The following DST variants were observed in gnomAD, a reference collection of about 807,000 sequenced individuals.
The protein encoded by DST is bullous pemphigoid antigen.
A neutral mutation model predicts 875.2 loss-of-function variants in DST; 253 were observed. That is an observed-to-expected ratio of 0.29 (90% CI 0.26 to 0.32). The LOEUF (loss-of-function observed/expected upper bound fraction) is 0.32, where lower values mean the gene tolerates loss of function less well. DST is among the 10% of genes least tolerant of loss of function. DST has a pLI of 1.00. For missense variants in DST, 8,287 were observed against 9,111.6 expected (o/e 0.91, Z 3.68); for synonymous variants, 3,124 against 3,197.1 (o/e 0.98, Z 0.77).
At position 56,603,957 on chromosome 6, in the gene DST, C is replaced by G; in HGVS notation, c.10671G>C (p.Val3557=). Residue 3557 remains valine (V), a synonymous_variant, in exon 40 of 104, where the codon GTG becomes GTC. Transcript: ENST00000680361. ...VKEIGLESST[V]WASTLPRDEK... Reference sequence around the variant, plus strand: ...CATCTCTTGGCAATGTTGATGCCCACACAGTAGAGCTTTCTAGTCCAATTT... The same window carrying G: ...CATCTCTTGGCAATGTTGATGCCCAGACAGTAGAGCTTTCTAGTCCAATTT... The G allele has an allele frequency of 1.9e-6, 3 of 1,611,246 alleles. No individual in the cohort carries two copies. Among genetic ancestry groups the G allele is most frequent in the Middle Eastern group, 1.7e-4 (1 of 6,056 alleles).
At chr6:56,499,830 C>T (rs1212342956) in intron 80 of DST, among the ~76,000 whole-genome samples, 2 of 152,062 alleles carry the variant, frequency 1.3e-5, no homozygotes, top group Non-Finnish European at 2.9e-5. Context: ...AATGTAAATG[C>T]AGCTATAAAC....
At chr6:56,590,582 G>A (rs539894646) in intron 49 of DST, among the ~76,000 whole-genome samples, 1 of 152,070 alleles carries the variant, frequency 6.6e-6, no homozygotes, top group African/African-American at 2.4e-5. Flanking sequence ...ACTTAATTAA[G>A]ATAGATTTGT....
At chr6:56,550,839 G>A (rs998672833) in intron 61 of DST, among the ~76,000 whole-genome samples, 2 of 152,140 alleles carry the variant, frequency 1.3e-5, no homozygotes, top group Non-Finnish European at 2.9e-5. Flanking sequence ...CTTTACTGAC[G>A]AAGGAAGAGT....
intron 9 of DST, among the ~76,000 whole-genome samples, chr6:56,683,574 TGGC>T (rs2099166824): frequency 6.6e-6 from 1 of 152,186 alleles, no homozygotes. Context: ...CAACGTGACA[TGGC>T]ACGTATCAGG....
chr6:56,834,353 C>G (rs1467884777), intron 4 of DST, among the ~76,000 whole-genome samples: 3 of 152,176 alleles, frequency 2.0e-5, no homozygotes, highest in Non-Finnish European at 4.4e-5. Context: ...AATCCCAGCA[C>G]TTTGGGAGGC....
chr6:56,486,362 CAAAAAAA>C (rs61164880), intron 87 of DST, among the ~76,000 whole-genome samples: 13 of 34,026 alleles, frequency 3.8e-4, no homozygotes, highest in South Asian at 1.8e-3. Context: ...GACTCCGTCT[CAAAAAAA>C]AAAAAAAAAA....
intron 54 of DST, among the ~76,000 whole-genome samples, chr6:56,569,030 AAC>A (rs1330012564): frequency 6.6e-6 from 1 of 152,144 alleles, no homozygotes; most frequent in East Asian, 1.9e-4. Context: ...TACTTTTAAA[AAC>A]ACACACACGG....
At chr6:56,765,131 A>C (rs2099630184) in intron 4 of DST, among the ~76,000 whole-genome samples, 1 of 152,200 alleles carries the variant, frequency 6.6e-6, no homozygotes, top group African/African-American at 2.4e-5. Flanking sequence ...CTGTAAGACT[A>C]CTGGACAATA....
intron 35 of DST, 111 bp downstream of exon 35, chr6:56,625,046 A>C (rs1301316812): frequency 2.5e-6 from 2 of 790,726 alleles, no homozygotes; most frequent in Non-Finnish European, 4.4e-6. Flanking sequence ...AAAATTGTTA[A>C]AATAGTAAGT....
At position 56,824,926 on chromosome 6, in the gene DST, T is replaced by C. The variant is rs1339569487; in HGVS notation, c.625+26471A>G. Among the ~76,000 whole-genome samples, 842 of 142,852 alleles carry C rather than the reference T, an allele frequency of 5.9e-3. 9 individuals carry two copies. Among genetic ancestry groups the C allele is most frequent in the African/African-American group, 0.02 (763 of 38,184 alleles). 93.7% of individuals were successfully genotyped at this position (142,852 alleles called of 152,430 possible). A position where few individuals can be genotyped will look rare whatever the true frequency, so the allele number is the denominator to read the frequency against. On this transcript the variant is annotated intron_variant, in intron 4 of 103. Transcript: ENST00000680361. The stretch of plus-strand genomic sequence containing the variant: ...GCCGCCCCGTCCGGGAGGTGAGGGG[T>C]GCCTCTGCCCGGCCGCCCCTACTGG...
Position 56,640,143 on chromosome 6 carries a change from C to G in DST, c.2490G>C (p.Gln830His), listed in dbSNP as rs756086546. ...QDLLNWVDEMQVQLDRTEWGS... is the reference protein window; with the variant it reads ...QDLLNWVDEMHVQLDRTEWGS... The stretch of plus-strand genomic sequence containing the variant: ...TCAGGTAAAGTAAACATTTTTTTAC[C>G]TGCATCTCATCAACCCAATTCAAAA... The change falls in exon 18 of 104, where the codon CAG becomes CAC. Residue 830 changes from glutamine to histidine, a missense_variant and splice_region_variant. Physicochemically the swap from Gln to His is conservative, Grantham distance 24 (BLOSUM62 0). This residue lies in a region of DST where 1,160 missense variants were observed against 1,424.3 expected (regional missense o/e 0.81). Coordinates refer to ENST00000680361, the MANE Select transcript of DST (RefSeq NM_001374736.1). 6.2e-7 allele frequency: 1 copy of G among 1,613,748 alleles called. No homozygotes were observed. The highest frequency in any genetic ancestry group is 8.5e-7 in the Non-Finnish European group (1 of 1,179,756).
chr6:56,490,023 C>A (rs1024277881), intron 85 of DST, among the ~76,000 whole-genome samples: 5 of 152,062 alleles, frequency 3.3e-5, no homozygotes, highest in African/African-American at 1.2e-4. Flanking sequence ...GGAATTTAAT[C>A]CCTATGTTAA....
At chr6:56,489,454 A>G in intron 86 of DST, 36 bp downstream of exon 86, 2 of 1,591,890 alleles carry the variant, frequency 1.3e-6, no homozygotes, top group Non-Finnish European at 1.7e-6. Context: ...TGAACTATAT[A>G]ATGAGACAAT....
chr6:56,919,387 G>A (rs1802913539), intron 2 of DST, among the ~76,000 whole-genome samples: 1 of 152,090 alleles, frequency 6.6e-6, no homozygotes, highest in Non-Finnish European at 1.5e-5. Flanking sequence ...TAATTTTTAA[G>A]TATAGTGTGA....
intron 64 of DST, 146 bp downstream of exon 64, chr6:56,532,198 G>T (rs909698545): frequency 1.4e-6 from 1 of 716,216 alleles, no homozygotes; most frequent in African/African-American, 1.8e-5. Flanking sequence ...TGAGGAAAGA[G>T]GCACTACAAT....
intron 5 of DST, chr6:56,734,999 G>A (rs185206402): frequency 1.0e-4 from 42 of 406,226 alleles, no homozygotes; most frequent in African/African-American, 6.7e-4. Context: ...TTTTACTAAC[G>A]TCACAGAATG....
Position 56,851,470 on chromosome 6 carries a change from AT to A in DST, c.551del (p.His184LeufsTer24). On this transcript the variant is annotated frameshift_variant, in exon 4 of 104. Coordinates refer to ENST00000680361, the MANE Select transcript of DST (RefSeq NM_001374736.1). LOFTEE classifies it high-confidence loss of function. ...GDTLPWNLPKHERSKRKIQGG... is the reference protein window; with the variant it reads ...GDTLPWNLPKXERSKRKIQGG... ...CTTGAATCTTTCTTTTCGATCTCTC[AT>A]GTTTAGGCAAATTCCAGGGTAAGGT... 1 of 1,613,984 alleles carries A rather than the reference AT, an allele frequency of 6.2e-7. No individual in the cohort carries two copies. Among genetic ancestry groups the A allele is most frequent in the Non-Finnish European group, 8.5e-7 (1 of 1,179,900 alleles).
At chr6:56,787,357 G>A (rs1245454478) in intron 4 of DST, among the ~76,000 whole-genome samples, 1 of 152,226 alleles carries the variant, frequency 6.6e-6, no homozygotes, top group Non-Finnish European at 1.5e-5. Context: ...TCAAAGAGAT[G>A]AAGTAATTTA....
intron 9 of DST, among the ~76,000 whole-genome samples, chr6:56,690,198 T>A (rs574875068): frequency 6.6e-6 from 1 of 152,206 alleles, no homozygotes; most frequent in Non-Finnish European, 1.5e-5. Context: ...AGGATTTATT[T>A]AACCTGAGTT....
Sources: allele counts gnomAD v4.1 joint callset (sites outside exome capture counted in the v4.1 genomes callset), GRCh38; gene constraint gnomAD v4.1.1; regional missense constraint gnomAD v4.1.1; transcripts MANE v1.5; gene names NCBI Gene and HGNC (gene_info 2026-07-23, HGNC 2026-07-21).